Variants in SSC4D observed in about 807,000 individuals in gnomAD.
The protein encoded by SSC4D is scavenger receptor cysteine rich family member with 4 domains.
In SSC4D, 57 loss-of-function variants were observed where a neutral mutation model predicts 63.4. The observed-to-expected ratio is 0.90, with a 90% CI of 0.73 to 1.12. The LOEUF is 1.12. Ranked by LOEUF, SSC4D falls within the 50% of genes most tolerant of loss-of-function variation. The pLI, the probability that SSC4D is intolerant of heterozygous loss-of-function variation, is 0.00. For synonymous variants in SSC4D, 352 were observed against 345.4 expected (o/e 1.02, Z -0.21); for missense variants, 791 against 806.4 (o/e 0.98, Z 0.23).
intron 9 of SSC4D, 133 bp downstream of exon 9, chr7:76,393,272 G>C: frequency 2.1e-6 from 2 of 950,248 alleles, no homozygotes; most frequent in Non-Finnish European, 2.7e-6. Flanking sequence ...GCGGGGCGGC[G>C]CCCCTCTGCG....
intron 9 of SSC4D, among the ~76,000 whole-genome samples, chr7:76,393,187 C>T (rs1305042650): frequency 6.6e-6 from 1 of 152,024 alleles, no homozygotes; most frequent in Non-Finnish European, 1.5e-5. Flanking sequence ...CTCACCAGGC[C>T]CCGCCCCATT....
chr7:76,392,651 C>A (rs976318171), intron 9 of SSC4D, among the ~76,000 whole-genome samples: 3 of 151,884 alleles, frequency 2.0e-5, no homozygotes, highest in African/African-American at 7.3e-5. Flanking sequence ...ATTAGCCAGG[C>A]ACGGTGGCAT....
chr7:76,407,180 G>A (rs1805062554), intron 1 of SSC4D, among the ~76,000 whole-genome samples: 1 of 152,070 alleles, frequency 6.6e-6, no homozygotes, highest in Non-Finnish European at 1.5e-5. Flanking sequence ...TGGCTGGTCT[G>A]GAACTCCTGA....
At chr7:76,401,071 C>A in intron 2 of SSC4D, 28 bp from the exon 3 acceptor site, 1 of 1,527,206 alleles carries the variant, frequency 6.5e-7, no homozygotes. Context: ...AGAGCATTGG[C>A]CCCTCTGCCC....
chr7:76,404,292 CA>C lies in SSC4D; in HGVS notation c.133+14del. 2 of 1,567,906 alleles carry C rather than the reference CA, an allele frequency of 1.3e-6. No individual in the cohort carries two copies. The highest frequency in any genetic ancestry group is 1.4e-5 in the African/African-American group (1 of 73,638). On this transcript the variant is annotated intron_variant, in intron 2 of 10. Coordinates refer to ENST00000275560, the MANE Select transcript of SSC4D (RefSeq NM_080744.2). The stretch of plus-strand genomic sequence containing the variant: ...AGAAAGAGGAAGTGGCAAGGGCTAA[CA>C]GGGGAGGACTCACCCAGTGGCAGGA...
In SSC4D at chr7:76,400,292, A is replaced by G; in HGVS notation, c.469T>C (p.Cys157Arg). 1 of 1,478,288 alleles carries G rather than the reference A, an allele frequency of 6.8e-7. No individual in the cohort carries two copies. The highest frequency in any genetic ancestry group is 2.5e-5 in the East Asian group (1 of 39,880). The allele number at this position is 1,478,288 out of a possible 1,614,324, so 91.6% of individuals were successfully genotyped here. A position where few individuals can be genotyped will look rare whatever the true frequency, so the allele number is the denominator to read the frequency against. ...CFHYEDVAVL[C>R]DEFLPTQPPT... is the part of the protein sequence containing the mutation. ...GTCCCAGGGCTCCACTCACCATCAC[A>G]CAGGACAGCCACATCCTCGTAGTGA... The change falls in exon 4 of 11, where the codon TGT (cysteine) becomes CGT (arginine). Residue 157 changes from cysteine (C) to arginine (R), a missense_variant. Transcript: ENST00000275560.
chr7:76,394,827 T>A (rs1410434125), intron 7 of SSC4D, among the ~76,000 whole-genome samples: 1 of 140,568 alleles, frequency 7.1e-6, no homozygotes, highest in South Asian at 2.1e-4. Flanking sequence ...ATAATATATA[T>A]GATATATATT....
chr7:76,397,455 C>T, intron 6 of SSC4D, 63 bp downstream of exon 6: 1 of 1,434,286 alleles, frequency 7.0e-7, no homozygotes, highest in East Asian at 2.5e-5. Flanking sequence ...CCTCCTCCTC[C>T]AGCATTGCCA....
chr7:76,394,626 C>G (rs1804586976), intron 7 of SSC4D, among the ~76,000 whole-genome samples: 1 of 148,944 alleles, frequency 6.7e-6, no homozygotes, highest in Non-Finnish European at 1.5e-5. Context: ...TGGGATTTCA[C>G]CATGTTGGCC....
chr7:76,392,458 G>A (rs1804514023), intron 9 of SSC4D, among the ~76,000 whole-genome samples: 1 of 151,718 alleles, frequency 6.6e-6, no homozygotes, highest in Non-Finnish European at 1.5e-5. Context: ...GCTGAGGCAG[G>A]AGAATCGCTT....
intron 1 of SSC4D, among the ~76,000 whole-genome samples, chr7:76,406,269 C>T (rs971301401): frequency 1.3e-5 from 2 of 152,260 alleles, no homozygotes; most frequent in African/African-American, 4.8e-5. Flanking sequence ...TGAGCCACCG[C>T]ACCTGGTCTG....
At chr7:76,392,203 T>A (rs180745145) in intron 9 of SSC4D, among the ~76,000 whole-genome samples, 162 bp from the exon 10 acceptor site, 27 of 152,250 alleles carry the variant, frequency 1.8e-4, no homozygotes, top group Admixed American at 1.6e-3. Flanking sequence ...AAATGCGGGT[T>A]GTGTCACTGA....
At chr7:76,395,080 T>C (rs570734496) in intron 7 of SSC4D, among the ~76,000 whole-genome samples, 173 bp downstream of exon 7, 30 of 152,160 alleles carry the variant, frequency 2.0e-4, no homozygotes, top group African/African-American at 7.2e-4. Flanking sequence ...GCTCTGAGTT[T>C]CATCATCCTT....
chr7:76,402,375 T>A (rs1189067838), intron 2 of SSC4D, among the ~76,000 whole-genome samples: 2 of 151,998 alleles, frequency 1.3e-5, no homozygotes, highest in East Asian at 3.9e-4. Flanking sequence ...AGAAATGGGG[T>A]CTCACCATGT....
At position 76,389,761 on chromosome 7, in the gene SSC4D, A is replaced by C. The variant is rs974314933; in HGVS notation, c.*298T>G. The C allele has an allele frequency of 3.4e-5, 14 of 407,136 alleles. No homozygotes were observed. The highest frequency in any genetic ancestry group is 4.0e-5 in the Non-Finnish European group (9 of 223,622). The allele number at this position is 407,136 out of a possible 1,614,324, so 25.2% of individuals were successfully genotyped here. On this transcript the variant is annotated 3_prime_UTR_variant, in exon 11 of 11. Coordinates refer to ENST00000275560, the MANE Select transcript of SSC4D (RefSeq NM_080744.2). ...CTGGTGCTATAAAAAGAGCCCCACC[A>C]AACAGAAGAGTTAGGAATCATCCTC...
intron 1 of SSC4D, among the ~76,000 whole-genome samples, chr7:76,406,519 T>C (rs1460631820): frequency 6.6e-6 from 1 of 152,074 alleles, no homozygotes; most frequent in African/African-American, 2.4e-5. Context: ...GGTCTCACTC[T>C]GTCACCCAGG....
intron 1 of SSC4D, among the ~76,000 whole-genome samples, chr7:76,406,460 A>T (rs1348657140): frequency 2.0e-5 from 3 of 151,624 alleles, no homozygotes; most frequent in East Asian, 1.9e-4. Context: ...TAATTAATTA[A>T]TTTTTTTTAC....
At chr7:76,405,426 C>T (rs2115809617) in intron 1 of SSC4D, among the ~76,000 whole-genome samples, 1 of 140,918 alleles carries the variant, frequency 7.1e-6, no homozygotes, top group East Asian at 2.1e-4. Flanking sequence ...AAGGGATCCG[C>T]CCACCTTGGC....
rs12540573 is a variant in SSC4D, at chr7:76,409,696, A to C, written c.-349T>G. ...CACCAGCTGGAGCGGCCCCAGAAAAAGGGCACCCAGGTGGAGGCGGAGCTA... is the reference window on the plus strand; with the variant it reads ...CACCAGCTGGAGCGGCCCCAGAAAACGGGCACCCAGGTGGAGGCGGAGCTA... On this transcript the variant is annotated 5_prime_UTR_variant, in exon 1 of 11. Transcript: ENST00000275560. 12,916 of 152,512 alleles carry C rather than the reference A, an allele frequency of 0.085. 763 individuals are homozygous for C. Among genetic ancestry groups the C allele is most frequent in the Middle Eastern group, 0.16 (48 of 296 alleles). 9.4% of individuals were successfully genotyped at this position (152,512 alleles called of 1,614,324 possible). A position where few individuals can be genotyped will look rare whatever the true frequency, so the allele number is the denominator to read the frequency against.
Sources: gnomAD v4.1 joint callset for allele counts (sites outside exome capture counted in the v4.1 genomes callset) on GRCh38, gnomAD v4.1.1 for gene constraint, MANE v1.5 for transcripts, NCBI Gene and HGNC (gene_info 2026-07-23, HGNC 2026-07-21) for gene names.